Variants in DLGAP1 observed in about 807,000 individuals in gnomAD.
DLGAP1 encodes the protein disks large-associated protein 1.
Under a neutral mutation model 90.8 loss-of-function variants are expected in DLGAP1, and 11 were observed. The ratio of observed to expected loss-of-function variants is 0.12; its 90% CI spans 0.08 to 0.20. The LOEUF is 0.20. DLGAP1 is among the 10% of genes least tolerant of loss of function. The pLI, the probability that DLGAP1 is intolerant of heterozygous loss-of-function variation, is 1.00. For synonymous variants in DLGAP1, 558 were observed against 540.7 expected, an observed-to-expected ratio of 1.03 and a Z score of -0.44; for missense variants, 1,050 against 1,333.8, an observed-to-expected ratio of 0.79 and a Z score of 3.31.
intron 7 of DLGAP1, among the ~76,000 whole-genome samples, chr18:3,623,772 G>A (rs1409751809): frequency 1.9e-4 from 12 of 61,726 alleles, no homozygotes; most frequent in Non-Finnish European, 3.3e-4. Context: ...GCAAGACTCC[G>A]TCTCAAAAAA....
At chr18:3,953,778 G>A (rs1272127936) in intron 3 of DLGAP1, among the ~76,000 whole-genome samples, 1 of 152,006 alleles carries the variant, frequency 6.6e-6, no homozygotes, top group Non-Finnish European at 1.5e-5. Context: ...GTTTTTAAAT[G>A]GAAATATTTT....
At chr18:4,341,178 A>G (rs1184153094) in intron 1 of DLGAP1, among the ~76,000 whole-genome samples, 2 of 151,846 alleles carry the variant, frequency 1.3e-5, no homozygotes, top group Non-Finnish European at 2.9e-5. Flanking sequence ...CTTTAAGAAT[A>G]GAGGAATATA....
At position 3,701,457 on chromosome 18, in the gene DLGAP1, T is replaced by C. The variant is rs1423622265; in HGVS notation, c.1591+27678A>G. On this transcript the variant is annotated intron_variant, in intron 7 of 12. Coordinates refer to ENST00000315677, the MANE Select transcript of DLGAP1 (RefSeq NM_004746.4). ...AAATAATAATATGTGATTAGGAGAA[T>C]GACAGTGCTGCAACATCAAAGAAAA... 3.3e-5 allele frequency among the ~76,000 whole-genome samples: 5 copies of C among 152,114 alleles called. No individual in the cohort carries two copies. The South Asian group carries it at 1.0e-3, about 32-fold the overall frequency.
chr18:3,840,452 T>C (rs796651402), intron 4 of DLGAP1, among the ~76,000 whole-genome samples: 22 of 152,208 alleles, frequency 1.4e-4, no homozygotes, highest in African/African-American at 5.3e-4. Context: ...TCTTCAAATC[T>C]CTCTCCGCTT....
intron 1 of DLGAP1, among the ~76,000 whole-genome samples, chr18:4,334,710 GA>G: frequency 6.6e-6 from 1 of 151,838 alleles, no homozygotes; most frequent in East Asian, 1.9e-4. Flanking sequence ...GAAGAGGTTT[GA>G]AACAACAGTG....
At chr18:3,830,267 TA>T (rs773904030) in intron 4 of DLGAP1, among the ~76,000 whole-genome samples, 14 of 152,156 alleles carry the variant, frequency 9.2e-5, no homozygotes, top group Admixed American at 3.3e-4. Flanking sequence ...CCCACCATGG[TA>T]AATAAACAGG....
chr18:3,568,853 AT>A (rs1220588047), intron 8 of DLGAP1, among the ~76,000 whole-genome samples: 4 of 151,472 alleles, frequency 2.6e-5, no homozygotes, highest in Non-Finnish European at 5.9e-5. Flanking sequence ...CGCCTGGCTA[AT>A]TTTTTATATT....
Position 4,316,405 on chromosome 18 carries a change from G to C in DLGAP1, c.-267+138601C>G, listed in dbSNP as rs1012373067. Among the ~76,000 whole-genome samples, 8 of 152,206 alleles carry C rather than the reference G, an allele frequency of 5.3e-5. No individual in the cohort carries two copies. The South Asian group carries it at 1.2e-3, about 24-fold the overall frequency. ...CTGTAGAAAGTGCTGTCACATGTTT[G>C]ATGGGGAAGATGGGAATCAGGCAGG... On this transcript the variant is annotated intron_variant, in intron 1 of 12. Transcript: ENST00000315677.
At chr18:4,373,125 A>T (rs1281722696) in intron 1 of DLGAP1, among the ~76,000 whole-genome samples, 1 of 152,114 alleles carries the variant, frequency 6.6e-6, no homozygotes, top group Admixed American at 6.6e-5. Context: ...GCAGCCACTG[A>T]GTACATTTCA....
chr18:4,411,953 G>C (rs1542518), intron 1 of DLGAP1, among the ~76,000 whole-genome samples: 65,570 of 151,958 alleles, frequency 0.43, 15,436 homozygotes, highest in East Asian at 0.61. Context: ...AGGTTCAAGG[G>C]GAGCAAAAAA....
At chr18:4,021,621 C>T (rs750489259) in intron 2 of DLGAP1, among the ~76,000 whole-genome samples, 10 of 151,326 alleles carry the variant, frequency 6.6e-5, no homozygotes, top group Non-Finnish European at 1.3e-4. Context: ...TTTTTTAGAC[C>T]GAGACTTGCT....
intron 3 of DLGAP1, among the ~76,000 whole-genome samples, chr18:3,882,937 T>A (rs1393874946): frequency 6.6e-6 from 1 of 152,116 alleles, no homozygotes; most frequent in Non-Finnish European, 1.5e-5. Flanking sequence ...AGATATGTGG[T>A]TTAATTAAGA....
intron 2 of DLGAP1, among the ~76,000 whole-genome samples, chr18:4,055,425 C>T (rs1332513491): frequency 6.6e-6 from 1 of 152,216 alleles, no homozygotes; most frequent in Non-Finnish European, 1.5e-5. Flanking sequence ...TTTATCCTCA[C>T]TGTCCTCCCA....
chr18:4,250,273 T>G lies in DLGAP1; in HGVS notation c.-266-98986A>C, dbSNP rs147494810. The stretch of plus-strand genomic sequence containing the variant: ...TAACCAAGAGGGCAAAATATTTAGG[T>G]GAGAGAAGTTATCACTACATTACCC... On this transcript the variant is annotated intron_variant, in intron 1 of 12. Transcript: ENST00000315677. 6.1e-4 allele frequency among the ~76,000 whole-genome samples: 93 copies of G among 152,308 alleles called. No individual in the cohort carries two copies. In the East Asian group the frequency reaches 0.017, roughly 28 times the overall value.
chr18:4,226,701 G>A (rs1308057894), intron 1 of DLGAP1, among the ~76,000 whole-genome samples: 2 of 143,194 alleles, frequency 1.4e-5, no homozygotes, highest in Admixed American at 6.9e-5. Flanking sequence ...AAAAAAAACA[G>A]TGTATACACA....
intron 5 of DLGAP1, among the ~76,000 whole-genome samples, chr18:3,800,084 C>T (rs2148318604): frequency 6.6e-6 from 1 of 152,286 alleles, no homozygotes. Context: ...AGTCTCAGAA[C>T]CCAGTCTTCC....
chr18:4,212,808 A>G (rs1320083935), intron 1 of DLGAP1, among the ~76,000 whole-genome samples: 2 of 152,118 alleles, frequency 1.3e-5, no homozygotes, highest in Non-Finnish European at 2.9e-5. Context: ...ATATCCCATC[A>G]CATAAATCAT....
intron 7 of DLGAP1, among the ~76,000 whole-genome samples, chr18:3,674,309 A>ATATATATATATGTATG (rs1555624007): frequency 7.1e-6 from 1 of 140,512 alleles, no homozygotes; most frequent in African/African-American, 2.9e-5. Flanking sequence ...ATATATATAT[A>ATATATATATATGTATG]TATGTATATT....
intron 1 of DLGAP1, among the ~76,000 whole-genome samples, chr18:4,374,901 G>C (rs1010766568): frequency 1.6e-4 from 24 of 151,942 alleles, no homozygotes; most frequent in Non-Finnish European, 2.9e-4. Flanking sequence ...ATATCTACTA[G>C]ATTGGAAATA....
Sources: allele counts gnomAD v4.1 joint callset (sites outside exome capture counted in the v4.1 genomes callset), GRCh38; gene constraint gnomAD v4.1.1; transcripts MANE v1.5; gene names NCBI Gene and HGNC (gene_info 2026-07-23, HGNC 2026-07-21).